Variants in GPC6 observed in about 807,000 individuals in gnomAD.
GPC6 encodes the protein glypican 6.
GPC6 carries 14 observed loss-of-function variants against 55.2 expected under a neutral mutation model. The ratio of observed to expected loss-of-function variants is 0.25; its 90% CI spans 0.17 to 0.40. The LOEUF (loss-of-function observed/expected upper bound fraction) is 0.40, where lower values mean the gene tolerates loss of function less well. Among genes scored for constraint, GPC6 ranks in the 10% least tolerant of loss-of-function variants. The probability of loss-of-function intolerance (pLI) is 1.00; values close to 1 mark genes in which losing one functional copy is unlikely to be tolerated. For missense variants in GPC6, 641 were observed against 708.5 expected, an observed-to-expected ratio of 0.90 and a Z score of 1.08; for synonymous variants, 278 against 259.6, an observed-to-expected ratio of 1.07 and a Z score of -0.68.
chr13:93,433,555 C>A (rs912248665), intron 1 of GPC6, among the ~76,000 whole-genome samples: 1 of 152,070 alleles, frequency 6.6e-6, no homozygotes, highest in Non-Finnish European at 1.5e-5. Flanking sequence ...TAAGTAAATG[C>A]GGTACATAGT....
intron 2 of GPC6, among the ~76,000 whole-genome samples, chr13:93,781,101 C>A (rs999039894): frequency 6.6e-6 from 1 of 151,806 alleles, no homozygotes; most frequent in Non-Finnish European, 1.5e-5. Flanking sequence ...CATGGTGAAA[C>A]CCCGCCTCTA....
intron 3 of GPC6, among the ~76,000 whole-genome samples, chr13:93,880,698 A>G (rs867143184): frequency 4.6e-5 from 7 of 152,106 alleles, no homozygotes; most frequent in African/African-American, 7.2e-5. Flanking sequence ...CATGTACCCT[A>G]AAACTTAAAG....
chr13:94,350,497 T>C (rs1459640757), intron 6 of GPC6, among the ~76,000 whole-genome samples: 4 of 152,280 alleles, frequency 2.6e-5, no homozygotes, highest in African/African-American at 9.6e-5. Context: ...TTTAAGGGAC[T>C]CATCTGACCC....
chr13:93,496,582 A>G (rs1270972733), intron 1 of GPC6, among the ~76,000 whole-genome samples: 1 of 152,206 alleles, frequency 6.6e-6, no homozygotes, highest in Non-Finnish European at 1.5e-5. Context: ...TTAATCAAAA[A>G]TTTTAAAGCC....
At chr13:93,819,080 A>G (rs1407147429) in intron 2 of GPC6, among the ~76,000 whole-genome samples, 2 of 152,200 alleles carry the variant, frequency 1.3e-5, no homozygotes, top group Non-Finnish European at 2.9e-5. Flanking sequence ...AAGATTTTTA[A>G]AAGTGATTTT....
At chr13:94,234,830 G>C (rs946076242) in intron 4 of GPC6, among the ~76,000 whole-genome samples, 1 of 152,048 alleles carries the variant, frequency 6.6e-6, no homozygotes, top group Non-Finnish European at 1.5e-5. Flanking sequence ...TAAATCTTGA[G>C]GGCATTATTC....
intron 1 of GPC6, among the ~76,000 whole-genome samples, chr13:93,527,819 C>T (rs1881712855): frequency 6.6e-6 from 1 of 151,978 alleles, no homozygotes; most frequent in Admixed American, 6.6e-5. Context: ...AAATTAATGG[C>T]TGTGTGAGTT....
At chr13:93,278,222 T>G (rs1279191269) in intron 1 of GPC6, among the ~76,000 whole-genome samples, 1 of 152,172 alleles carries the variant, frequency 6.6e-6, no homozygotes, top group East Asian at 1.9e-4. Context: ...TCAGTTTCAT[T>G]GTGTGAGCTG....
intron 6 of GPC6, among the ~76,000 whole-genome samples, chr13:94,365,612 G>A (rs1339813923): frequency 6.6e-6 from 1 of 152,036 alleles, no homozygotes; most frequent in Non-Finnish European, 1.5e-5. Flanking sequence ...ACCCTAAATG[G>A]CTTTAGAATT....
intron 6 of GPC6, among the ~76,000 whole-genome samples, chr13:94,332,182 C>A (rs1180496596): frequency 2.0e-5 from 3 of 152,096 alleles, no homozygotes; most frequent in Non-Finnish European, 4.4e-5. Flanking sequence ...TTCTTTTGGG[C>A]CCCTTTTCTC....
chr13:93,452,193 CA>C (rs1317194263), intron 1 of GPC6, among the ~76,000 whole-genome samples: 1 of 152,102 alleles, frequency 6.6e-6, no homozygotes. Flanking sequence ...TAACTTTATC[CA>C]GCCAACCATA....
chr13:93,236,826 G>C (rs1412478594), intron 1 of GPC6, among the ~76,000 whole-genome samples: 2 of 152,044 alleles, frequency 1.3e-5, no homozygotes, highest in Non-Finnish European at 2.9e-5. Flanking sequence ...GTGGTATTTG[G>C]TTTTCTATTC....
At chr13:93,979,123 G>C (rs567073741) in intron 3 of GPC6, among the ~76,000 whole-genome samples, 1 of 152,154 alleles carries the variant, frequency 6.6e-6, no homozygotes, top group South Asian at 2.1e-4. Flanking sequence ...TGAGATGAGG[G>C]AAATATTATG....
intron 3 of GPC6, among the ~76,000 whole-genome samples, chr13:93,931,433 A>C (rs1878165040): frequency 1.9e-5 from 1 of 53,608 alleles, no homozygotes; most frequent in Non-Finnish European, 3.6e-5. Flanking sequence ...TACCATACAC[A>C]GGCAAAAAAA....
At chr13:93,594,944 G>A (rs1476144127) in intron 2 of GPC6, among the ~76,000 whole-genome samples, 1 of 151,990 alleles carries the variant, frequency 6.6e-6, no homozygotes, top group Non-Finnish European at 1.5e-5. Context: ...TCACATTGGT[G>A]ATTGGTTTTT....
At chr13:93,476,962 A>C (rs947718823) in intron 1 of GPC6, among the ~76,000 whole-genome samples, 12 of 152,280 alleles carry the variant, frequency 7.9e-5, no homozygotes, top group African/African-American at 2.6e-4. Context: ...TAATCCACTT[A>C]AAAACATTAT....
intron 4 of GPC6, among the ~76,000 whole-genome samples, chr13:94,048,972 A>G (rs997573379): frequency 1.3e-5 from 2 of 151,998 alleles, no homozygotes; most frequent in African/African-American, 4.8e-5. Context: ...ACCATGTGCC[A>G]TGGCTCACCC....
chr13:94,266,115 T>A (rs1281502141), intron 4 of GPC6, among the ~76,000 whole-genome samples: 2 of 151,994 alleles, frequency 1.3e-5, no homozygotes, highest in African/African-American at 4.8e-5. Context: ...CCCTGTCTCC[T>A]TGTTTTCTCG....
intron 2 of GPC6, among the ~76,000 whole-genome samples, chr13:93,655,893 C>A (rs1057439734): frequency 1.3e-5 from 2 of 152,158 alleles, no homozygotes; most frequent in African/African-American, 4.8e-5. Context: ...GAATGGCATA[C>A]ATATATAGAA....
Sources: gnomAD v4.1 joint callset for allele counts (sites outside exome capture counted in the v4.1 genomes callset) on GRCh38, gnomAD v4.1.1 for gene constraint, MANE v1.5 for transcripts, NCBI Gene and HGNC (gene_info 2026-07-23, HGNC 2026-07-21) for gene names.